The following TRIM9 variants were observed in gnomAD, a reference collection of about 807,000 sequenced individuals.
The protein encoded by TRIM9 is tripartite motif containing 9.
In TRIM9, 26 loss-of-function variants were observed where a neutral mutation model predicts 78.3. The observed-to-expected ratio is 0.33, with a 90% CI of 0.24 to 0.46. TRIM9 has a LOEUF of 0.46. TRIM9 is among the 20% of genes least tolerant of loss of function. The pLI is 1.00. For missense variants in TRIM9, 787 were observed against 1,036.4 expected (o/e 0.76, Z 3.30); for synonymous variants, 398 against 416.5 (o/e 0.96, Z 0.54).
intron 1 of TRIM9, among the ~76,000 whole-genome samples, chr14:51,052,533 T>C (rs1042333909): frequency 6.6e-6 from 1 of 152,152 alleles, no homozygotes; most frequent in Non-Finnish European, 1.5e-5. Flanking sequence ...TGATGTGAAA[T>C]GGGAAGGAGA....
At chr14:51,016,508 T>C (rs1420160891) in intron 3 of TRIM9, among the ~76,000 whole-genome samples, 1 of 140,434 alleles carries the variant, frequency 7.1e-6, no homozygotes, top group African/African-American at 2.6e-5. Flanking sequence ...AATAATAATA[T>C]TAATAATAAC....
chr14:51,093,946 T>C (rs1490509364), intron 1 of TRIM9, among the ~76,000 whole-genome samples, 172 bp downstream of exon 1: 1 of 152,158 alleles, frequency 6.6e-6, no homozygotes, highest in East Asian at 1.9e-4. Flanking sequence ...CGTGCGCCGG[T>C]TAAGATTCCC....
chr14:51,008,607 C>T (rs1422660505), intron 5 of TRIM9, among the ~76,000 whole-genome samples: 1 of 152,198 alleles, frequency 6.6e-6, no homozygotes, highest in African/African-American at 2.4e-5. Flanking sequence ...CATTTTCCTT[C>T]CAGGCTTGCA....
chr14:50,989,217 G>A (rs977598707), intron 7 of TRIM9, among the ~76,000 whole-genome samples: 1 of 152,210 alleles, frequency 6.6e-6, no homozygotes, highest in African/African-American at 2.4e-5. Context: ...TCAAAGGCAT[G>A]AATCAAAGAC....
At chr14:50,982,990 A>T in intron 9 of TRIM9, 25 bp from the exon 10 acceptor site, 1 of 1,547,802 alleles carries the variant, frequency 6.5e-7, no homozygotes, top group Non-Finnish European at 8.7e-7. Context: ...AGTGAAAGGC[A>T]TGGGGGAGAG....
intron 7 of TRIM9, among the ~76,000 whole-genome samples, chr14:50,989,760 G>T (rs1311915750): frequency 6.6e-6 from 1 of 152,118 alleles, no homozygotes; most frequent in African/African-American, 2.4e-5. Flanking sequence ...TGTTCGTAAC[G>T]AATACGTATC....
chr14:51,025,898 C>T (rs1286926762), intron 1 of TRIM9, among the ~76,000 whole-genome samples: 1 of 152,154 alleles, frequency 6.6e-6, no homozygotes, highest in Non-Finnish European at 1.5e-5. Flanking sequence ...TGTCCTCTTC[C>T]TTCTCCCAAG....
chr14:51,007,134 G>C (rs982943420), intron 5 of TRIM9, among the ~76,000 whole-genome samples: 1 of 152,106 alleles, frequency 6.6e-6, no homozygotes, highest in Non-Finnish European at 1.5e-5. Flanking sequence ...TCCTCCTCCT[G>C]CCCCCTCACT....
At chr14:50,991,355 G>A (rs2053484741) in intron 7 of TRIM9, among the ~76,000 whole-genome samples, 1 of 152,266 alleles carries the variant, frequency 6.6e-6, no homozygotes, top group South Asian at 2.1e-4. Context: ...AAAGAACAAA[G>A]TATCTCTCTT....
chr14:51,002,706 A>G (rs1704338236), intron 5 of TRIM9, among the ~76,000 whole-genome samples: 1 of 152,222 alleles, frequency 6.6e-6, no homozygotes, highest in Non-Finnish European at 1.5e-5. Flanking sequence ...AACAGGTTCT[A>G]TGGCAGATAA....
At chr14:51,043,832 T>A (rs1324595285) in intron 1 of TRIM9, among the ~76,000 whole-genome samples, 1 of 144,608 alleles carries the variant, frequency 6.9e-6, no homozygotes, top group Non-Finnish European at 1.6e-5. Flanking sequence ...CTGTTTGGTT[T>A]AACATTTTTA....
intron 1 of TRIM9, among the ~76,000 whole-genome samples, chr14:51,040,905 A>T (rs1331616382): frequency 6.6e-6 from 1 of 152,238 alleles, no homozygotes; most frequent in Non-Finnish European, 1.5e-5. Flanking sequence ...GATCATTTTC[A>T]CTGGCAAAGG....
chr14:51,062,996 A>G (rs1343648937), intron 1 of TRIM9, among the ~76,000 whole-genome samples: 9 of 152,194 alleles, frequency 5.9e-5, no homozygotes, highest in Non-Finnish European at 5.9e-5. Context: ...TTAAAAGAAA[A>G]AAGGAAGAAA....
intron 7 of TRIM9, chr14:50,996,894 G>T: frequency 1.0e-6 from 1 of 985,390 alleles, no homozygotes; most frequent in Non-Finnish European, 1.2e-6. Flanking sequence ...CTGTTTTCAC[G>T]GCTAGGGGCC....
chr14:51,076,012 A>C (rs1052560955), intron 1 of TRIM9, among the ~76,000 whole-genome samples: 1 of 152,200 alleles, frequency 6.6e-6, no homozygotes, highest in Non-Finnish European at 1.5e-5. Flanking sequence ...CTGGAGCACC[A>C]ATACAAATGG....
chr14:51,036,408 A>G lies in TRIM9; in HGVS notation c.823-11048T>C, dbSNP rs185247153. ...TCATTTTGTTTTGTTTTAGGCTTTTAGCAGCTTGAAGCCATGGATTTCAGT... is the reference window on the plus strand; with the variant it reads ...TCATTTTGTTTTGTTTTAGGCTTTTGGCAGCTTGAAGCCATGGATTTCAGT... On this transcript the variant is annotated intron_variant, in intron 1 of 12. Coordinates refer to ENST00000684578, the MANE Select transcript of TRIM9 (RefSeq NM_001387360.1). Among the ~76,000 whole-genome samples the G allele has an allele frequency of 2.0e-3, 298 of 152,172 alleles. 1 individual carries two copies. Among genetic ancestry groups the G allele is most frequent in the African/African-American group, 6.8e-3 (284 of 41,516 alleles).
chr14:51,012,259 C>T (rs535394360), intron 3 of TRIM9, among the ~76,000 whole-genome samples: 13 of 152,308 alleles, frequency 8.5e-5, no homozygotes, highest in African/African-American at 2.4e-4. Flanking sequence ...CCCTGGCAAC[C>T]GCCATTCTAC....
At chr14:51,001,752 C>T (rs944679270) in intron 5 of TRIM9, among the ~76,000 whole-genome samples, 10 of 152,048 alleles carry the variant, frequency 6.6e-5, no homozygotes, top group Admixed American at 2.0e-4. Context: ...GTGATCTCTC[C>T]GTTTCAAAAC....
intron 12 of TRIM9, among the ~76,000 whole-genome samples, chr14:50,977,996 C>A (rs532799714): frequency 3.9e-5 from 6 of 152,026 alleles, no homozygotes; most frequent in Non-Finnish European, 7.4e-5. Flanking sequence ...GTATAATATT[C>A]TTTGAAAGGG....
Sources: allele counts gnomAD v4.1 joint callset (sites outside exome capture counted in the v4.1 genomes callset), GRCh38; gene constraint gnomAD v4.1.1; transcripts MANE v1.5; gene names NCBI Gene and HGNC (gene_info 2026-07-23, HGNC 2026-07-21).